Variants in ADCY8 observed in about 807,000 individuals in gnomAD.
The protein encoded by ADCY8 is adenylate cyclase 8.
A neutral mutation model predicts 119.7 loss-of-function variants in ADCY8; 51 were observed. The observed-to-expected ratio is 0.43, with a 90% CI of 0.34 to 0.54. The LOEUF is 0.54. ADCY8 is among the 20% of genes least tolerant of loss of function. The pLI is 0.03. For synonymous variants in ADCY8, 665 were observed against 651.0 expected (o/e 1.02, Z -0.33); for missense variants, 1,383 against 1,598.8 (o/e 0.87, Z 2.30).
chr8:131,011,099 G>A (rs557881129), intron 1 of ADCY8, among the ~76,000 whole-genome samples: 58 of 151,738 alleles, frequency 3.8e-4, no homozygotes, highest in African/African-American at 1.4e-3. Flanking sequence ...TCTGTGCCTC[G>A]AATCTAGGAT....
At chr8:130,919,193 C>T (rs1332803271) in intron 5 of ADCY8, among the ~76,000 whole-genome samples, 1 of 152,108 alleles carries the variant, frequency 6.6e-6, no homozygotes, top group Non-Finnish European at 1.5e-5. Context: ...CTTCATCTAC[C>T]CTTTTGCTGT....
intron 1 of ADCY8, among the ~76,000 whole-genome samples, chr8:130,992,460 G>A (rs1482301274): frequency 7.3e-6 from 1 of 137,674 alleles, no homozygotes; most frequent in African/African-American, 2.8e-5. Context: ...TGTCACCCAG[G>A]CAGGAGTGCA....
intron 13 of ADCY8, among the ~76,000 whole-genome samples, chr8:130,818,631 A>C (rs1343243969): frequency 6.6e-6 from 1 of 152,262 alleles, no homozygotes; most frequent in Non-Finnish European, 1.5e-5. Flanking sequence ...GGCATTATTT[A>C]GCCCCTATTA....
chr8:130,882,889 G>A (rs1358300632), intron 8 of ADCY8, among the ~76,000 whole-genome samples: 1 of 152,186 alleles, frequency 6.6e-6, no homozygotes, highest in East Asian at 1.9e-4. Context: ...CTCGGTGACA[G>A]GAGAGGAGTG....
rs73342458 is a variant in ADCY8, at chr8:130,824,849, T to G, written c.2676-3429A>C. On this transcript the variant is annotated intron_variant, in intron 12 of 17. Transcript: ENST00000286355. ...GGCATTAAACAAAGCAAGGCCCTTC[T>G]GAGTGCAGAGCCCTATGTGAATGCA... is the stretch of plus-strand genomic sequence containing the variant. 4.1e-3 allele frequency among the ~76,000 whole-genome samples: 619 copies of G among 152,332 alleles called. 6 individuals are homozygous for G. Among genetic ancestry groups the G allele is most frequent in the African/African-American group, 0.014 (596 of 41,576 alleles).
At chr8:130,850,199 C>T (rs887988276) in intron 9 of ADCY8, among the ~76,000 whole-genome samples, 1 of 152,158 alleles carries the variant, frequency 6.6e-6, no homozygotes, top group African/African-American at 2.4e-5. Flanking sequence ...TCCACCTATC[C>T]TGATACCAAG....
Position 130,780,766 on chromosome 8 carries a change from C to T in ADCY8, c.3380G>A (p.Ser1127Asn). 1 of 1,614,220 alleles carries T rather than the reference C, an allele frequency of 6.2e-7. No individual in the cohort carries two copies. Among genetic ancestry groups the T allele is most frequent in the Non-Finnish European group, 8.5e-7 (1 of 1,180,024 alleles). ...LASRMDSTGV[S>N]GRIQVPEETY... ...CTCCTCTGGGACTTGGATCCGGCCA[C>T]TAACCCCCGTGCTGTCCATTCGGCT... The change falls in exon 18 of 18, where the codon AGT becomes AAT. Residue 1127 changes from serine (S) to asparagine (N), a missense_variant. Coordinates refer to ENST00000286355, the MANE Select transcript of ADCY8 (RefSeq NM_001115.3).
At chr8:130,981,669 T>C (rs1822244894) in intron 2 of ADCY8, among the ~76,000 whole-genome samples, 1 of 152,206 alleles carries the variant, frequency 6.6e-6, no homozygotes. Flanking sequence ...GAGCATAGGG[T>C]CATGAACTGT....
intron 2 of ADCY8, among the ~76,000 whole-genome samples, chr8:130,974,820 C>T (rs907511394): frequency 6.6e-6 from 1 of 152,194 alleles, no homozygotes; most frequent in Non-Finnish European, 1.5e-5. Flanking sequence ...GCTACTTCTG[C>T]TTTTCATTCC....
chr8:130,841,466 T>C (rs952834418), intron 11 of ADCY8, among the ~76,000 whole-genome samples: 2 of 152,180 alleles, frequency 1.3e-5, no homozygotes, highest in African/African-American at 4.8e-5. Flanking sequence ...CCTGTTTCCA[T>C]GAAACAAACA....
chr8:130,913,780 T>C (rs1820049323), intron 5 of ADCY8, among the ~76,000 whole-genome samples: 1 of 152,236 alleles, frequency 6.6e-6, no homozygotes, highest in Admixed American at 6.5e-5. Context: ...GGCACAATCA[T>C]GAGTCCCAAT....
intron 7 of ADCY8, among the ~76,000 whole-genome samples, chr8:130,903,490 C>A (rs1563721731): frequency 4.0e-5 from 5 of 126,088 alleles, no homozygotes; most frequent in South Asian, 2.8e-4. Flanking sequence ...GGTAAAATTA[C>A]AATTCAGCTT....
chr8:130,781,034 C>G (rs191915736), intron 17 of ADCY8, among the ~76,000 whole-genome samples, 157 bp from the exon 18 acceptor site: 2 of 152,114 alleles, frequency 1.3e-5, no homozygotes, highest in African/African-American at 4.8e-5. Context: ...GATGTATCAC[C>G]TGGGTCAGTT....
chr8:130,830,244 T>C (rs1438876167), intron 12 of ADCY8, among the ~76,000 whole-genome samples: 1 of 152,158 alleles, frequency 6.6e-6, no homozygotes, highest in Non-Finnish European at 1.5e-5. Flanking sequence ...GATGCTGACA[T>C]TGTGACAATC....
chr8:131,008,237 C>A (rs539122111), intron 1 of ADCY8, among the ~76,000 whole-genome samples: 97 of 152,296 alleles, frequency 6.4e-4, no homozygotes, highest in African/African-American at 2.3e-3. Context: ...TGGAGCCCAG[C>A]AAGTCAGGCT....
chr8:130,800,378 G>T lies in ADCY8; in HGVS notation c.3060+48C>A, dbSNP rs201428853. On this transcript the variant is annotated intron_variant, in intron 15 of 17. Transcript: ENST00000286355. ...CCTACAATGAATAACACAACGCTTT[G>T]ACAACGATGCCCATTTGTGATTGTA... 2.3e-5 allele frequency: 36 copies of T among 1,597,688 alleles called. No individual in the cohort carries two copies. The African/African-American group carries it at 3.9e-4, about 17-fold the overall frequency.
intron 9 of ADCY8, among the ~76,000 whole-genome samples, chr8:130,863,708 C>A (rs1248567803): frequency 6.6e-6 from 1 of 151,870 alleles, no homozygotes; most frequent in Non-Finnish European, 1.5e-5. Context: ...GCCTTCATAC[C>A]ACTTCATGTA....
intron 14 of ADCY8, among the ~76,000 whole-genome samples, chr8:130,807,216 A>G (rs1477437718): frequency 6.6e-6 from 1 of 152,170 alleles, no homozygotes; most frequent in African/African-American, 2.4e-5. Flanking sequence ...CACCTGCTCA[A>G]GCAACTCCAA....
intron 4 of ADCY8, among the ~76,000 whole-genome samples, chr8:130,941,486 A>G (rs1190474577): frequency 2.2e-5 from 3 of 136,952 alleles, no homozygotes; most frequent in African/African-American, 3.7e-5. Flanking sequence ...CATCTTTGAT[A>G]AAAAATATCA....
Sources: allele counts gnomAD v4.1 joint callset (sites outside exome capture counted in the v4.1 genomes callset), GRCh38; gene constraint gnomAD v4.1.1; transcripts MANE v1.5; gene names NCBI Gene and HGNC (gene_info 2026-07-23, HGNC 2026-07-21).